Variants in MAGI2 observed in about 807,000 individuals in gnomAD.
MAGI2 encodes the protein membrane-associated guanylate kinase, WW and PDZ domain-containing protein 2.
MAGI2 carries 35 observed loss-of-function variants against 133.3 expected under a neutral mutation model. The ratio of observed to expected loss-of-function variants is 0.26; its 90% CI spans 0.20 to 0.35. The LOEUF (loss-of-function observed/expected upper bound fraction) is 0.35, where lower values mean the gene tolerates loss of function less well. MAGI2 is among the 10% of genes least tolerant of loss of function. The probability of loss-of-function intolerance (pLI) is 1.00; values close to 1 mark genes in which losing one functional copy is unlikely to be tolerated. For missense variants in MAGI2, 1,636 were observed against 1,863.4 expected, an observed-to-expected ratio of 0.88 and a Z score of 2.25; for synonymous variants, 729 against 710.6, an observed-to-expected ratio of 1.03 and a Z score of -0.41.
intron 20 of MAGI2, among the ~76,000 whole-genome samples, chr7:78,110,988 T>C (rs1158417894): frequency 6.6e-6 from 1 of 152,130 alleles, no homozygotes; most frequent in East Asian, 1.9e-4. Context: ...TTCATATCCA[T>C]TTTCTGATGA....
intron 2 of MAGI2, among the ~76,000 whole-genome samples, chr7:78,938,225 A>G (rs1800672797): frequency 6.6e-6 from 1 of 152,122 alleles, no homozygotes; most frequent in Non-Finnish European, 1.5e-5. Context: ...TTAACGGCAA[A>G]TCTGACAAAA....
intron 2 of MAGI2, among the ~76,000 whole-genome samples, chr7:78,648,549 C>T (rs1047955374): frequency 6.6e-6 from 1 of 152,164 alleles, no homozygotes; most frequent in Non-Finnish European, 1.5e-5. Flanking sequence ...AGCATATGTG[C>T]TCTCAACTTT....
intron 1 of MAGI2, among the ~76,000 whole-genome samples, chr7:79,188,258 G>A (rs986080629): frequency 6.6e-6 from 1 of 151,464 alleles, no homozygotes; most frequent in South Asian, 2.1e-4. Flanking sequence ...AATTTTCCTG[G>A]TGCTCTCCCT....
At chr7:78,168,141 C>A in intron 14 of MAGI2, 33 bp from the exon 15 acceptor site, 33 of 1,454,934 alleles carry the variant, frequency 2.3e-5, no homozygotes, top group Non-Finnish European at 2.7e-5. Context: ...AGGACATTCA[C>A]ATTTCAATCC....
At chr7:78,632,308 T>A (rs1247191973) in intron 2 of MAGI2, among the ~76,000 whole-genome samples, 2 of 152,244 alleles carry the variant, frequency 1.3e-5, no homozygotes, top group Non-Finnish European at 2.9e-5. Context: ...ATCAGACTGT[T>A]AGAACCTATG....
chr7:78,058,108 T>G (rs1287594731), intron 21 of MAGI2, among the ~76,000 whole-genome samples: 2 of 151,482 alleles, frequency 1.3e-5, no homozygotes, highest in African/African-American at 2.4e-5. Context: ...ACCCAACTCC[T>G]TTTTTTGAAG....
intron 1 of MAGI2, among the ~76,000 whole-genome samples, chr7:79,383,708 G>T (rs1843971458): frequency 6.6e-6 from 1 of 151,416 alleles, no homozygotes; most frequent in South Asian, 2.1e-4. Flanking sequence ...TAGGAAATCT[G>T]TTAATAGTAA....
At chr7:78,196,657 A>G (rs1247357612) in intron 11 of MAGI2, among the ~76,000 whole-genome samples, 4 of 152,174 alleles carry the variant, frequency 2.6e-5, no homozygotes, top group Non-Finnish European at 2.9e-5. Flanking sequence ...GTGTAACACC[A>G]GAGACACCAG....
At chr7:78,484,542 A>C (rs557753219) in intron 6 of MAGI2, 28 of 152,130 alleles carry the variant, frequency 1.8e-4, no homozygotes, top group African/African-American at 6.5e-4. Flanking sequence ...TAACAGGTTG[A>C]AGGGGGAAAC....
intron 9 of MAGI2, among the ~76,000 whole-genome samples, chr7:78,317,206 T>G (rs1787506094): frequency 6.6e-6 from 1 of 152,244 alleles, no homozygotes; most frequent in South Asian, 2.1e-4. Context: ...AAAGAAGAAC[T>G]TCTTGAGTAT....
At chr7:79,417,319 T>C (rs1256711003) in intron 1 of MAGI2, among the ~76,000 whole-genome samples, 1 of 152,136 alleles carries the variant, frequency 6.6e-6, no homozygotes, top group Non-Finnish European at 1.5e-5. Flanking sequence ...AGAGCTCTCC[T>C]CCATTGATAA....
chr7:78,118,450 T>C (rs1370248761), intron 20 of MAGI2, among the ~76,000 whole-genome samples: 1 of 152,192 alleles, frequency 6.6e-6, no homozygotes, highest in Non-Finnish European at 1.5e-5. Flanking sequence ...ATGAAAGATG[T>C]ATCTGATAAA....
At chr7:79,432,782 G>A (rs1000762371) in intron 1 of MAGI2, among the ~76,000 whole-genome samples, 3 of 152,268 alleles carry the variant, frequency 2.0e-5, no homozygotes, top group East Asian at 3.9e-4. Context: ...TGAGGTGTGC[G>A]ATGGTGATGA....
intron 3 of MAGI2, among the ~76,000 whole-genome samples, chr7:78,569,477 A>G (rs901592830): frequency 4.6e-5 from 7 of 152,196 alleles, no homozygotes; most frequent in African/African-American, 1.4e-4. Flanking sequence ...TGCACGTTAT[A>G]TATCTAGGCA....
intron 9 of MAGI2, chr7:78,285,897 ACTT>A (rs2151025297): frequency 6.6e-6 from 1 of 152,202 alleles, no homozygotes; most frequent in African/African-American, 2.4e-5. Context: ...GCTTTTAAAA[ACTT>A]CTTTGTGCAG....
At chr7:79,390,816 A>T (rs1364470585) in intron 1 of MAGI2, among the ~76,000 whole-genome samples, 1 of 152,172 alleles carries the variant, frequency 6.6e-6, no homozygotes, top group Admixed American at 6.5e-5. Context: ...AGACTAAGGG[A>T]TGCATTTCAG....
intron 1 of MAGI2, chr7:79,353,317 G>A: frequency 2.6e-6 from 1 of 378,700 alleles, no homozygotes; most frequent in African/African-American, 2.1e-5. Flanking sequence ...CGATGAATGA[G>A]AGGAGCTGAC....
At chr7:78,226,631 G>A (rs949618946) in intron 10 of MAGI2, among the ~76,000 whole-genome samples, 15 of 152,120 alleles carry the variant, frequency 9.9e-5, no homozygotes, top group South Asian at 2.1e-4. Context: ...TTAAACTACC[G>A]TGTAATATCA....
intron 16 of MAGI2, among the ~76,000 whole-genome samples, chr7:78,139,449 G>A (rs1563172171): frequency 6.6e-6 from 1 of 152,192 alleles, no homozygotes; most frequent in African/African-American, 2.4e-5. Flanking sequence ...AAGGTCTACA[G>A]AGCCTATGAC....
Sources: gnomAD v4.1 joint callset for allele counts (sites outside exome capture counted in the v4.1 genomes callset) on GRCh38, gnomAD v4.1.1 for gene constraint, MANE v1.5 for transcripts, NCBI Gene and HGNC (gene_info 2026-07-23, HGNC 2026-07-21) for gene names.